Variants in MXRA8 observed in about 807,000 individuals in gnomAD.
MXRA8 encodes matrix remodeling-associated protein 8.
In MXRA8, 44 loss-of-function variants were observed where a neutral mutation model predicts 51.4. The observed-to-expected ratio is 0.86, with a 90% CI of 0.67 to 1.10. The LOEUF (loss-of-function observed/expected upper bound fraction) is 1.10, where lower values mean the gene tolerates loss of function less well. Among genes scored for constraint, MXRA8 ranks in the 50% least tolerant of loss-of-function variants. MXRA8 has a pLI of 0.00. For synonymous variants in MXRA8, 369 were observed against 293.5 expected (o/e 1.26, Z -2.63); for missense variants, 765 against 638.9 (o/e 1.20, Z -2.13).
intron 6 of MXRA8, 26 bp from the exon 7 acceptor site, chr1:1,354,258 C>G: frequency 1.2e-6 from 2 of 1,609,604 alleles, no homozygotes; most frequent in Non-Finnish European, 1.7e-6. Flanking sequence ...ACATTGGGGG[C>G]AGTGCCGCCC....
At chr1:1,354,129 G>A in intron 7 of MXRA8, 23 bp from the exon 8 acceptor site, 2 of 1,612,870 alleles carry the variant, frequency 1.2e-6, no homozygotes, top group Non-Finnish European at 1.7e-6. Context: ...GGTGGGAGGA[G>A]GTTACAGCTG....
intron 9 of MXRA8, 24 bp downstream of exon 9, chr1:1,353,824 G>A (rs1644054531): frequency 6.4e-7 from 1 of 1,555,048 alleles, no homozygotes; most frequent in Non-Finnish European, 8.7e-7. Flanking sequence ...TCTGAGATGG[G>A]CTGAGGTCGC....
chr1:1,359,051 C>T (rs1644186326), upstream of MXRA8: 2 of 985,488 alleles, frequency 2.0e-6, no homozygotes, highest in Non-Finnish European at 2.4e-6. Context: ...CAACCCTTGG[C>T]CCTGCATGAC....
At chr1:1,358,606 C>G, upstream of MXRA8, 6 of 1,494,828 alleles carry the variant, frequency 4.0e-6, no homozygotes, top group Non-Finnish European at 5.4e-6. Flanking sequence ...GGTGACATCA[C>G]GGAGGCCTGG....
chr1:1,353,202 C>G lies in MXRA8; in HGVS notation c.*402G>C. On this transcript the variant is annotated 3_prime_UTR_variant, in exon 10 of 10. Transcript: ENST00000309212. ...CTCCTCCAGGAACATCTCCCAGCCC[C>G]CGACGAGCAGAGCCCTGGAGGAGTG... 1.6e-6 allele frequency: 2 copies of G among 1,248,430 alleles called. No individual in the cohort carries two copies. The highest frequency in any genetic ancestry group is 2.3e-6 in the Non-Finnish European group (2 of 876,782). The allele number at this position is 1,248,430 out of a possible 1,614,324, so 77.3% of individuals were successfully genotyped here. A position where few individuals can be genotyped will look rare whatever the true frequency, so the allele number is the denominator to read the frequency against.
rs1213375745 is a variant in MXRA8 at position 1,353,341 on chromosome 1, A to C, written c.*263T>G. On this transcript the variant is annotated 3_prime_UTR_variant, in exon 10 of 10. Coordinates refer to ENST00000309212, the MANE Select transcript of MXRA8 (RefSeq NM_032348.4). ...GCAGAGCCCAGAAGGGTCTGAGGGC[A>C]TGATGGGCATCAGTGGGATTTTGGT... The C allele has an allele frequency of 1.3e-6, 2 of 1,548,822 alleles. No homozygotes were observed. The highest frequency in any genetic ancestry group is 1.7e-6 in the Non-Finnish European group (2 of 1,146,242).
rs1372720486 is a variant in MXRA8 at position 1,354,525 on chromosome 1, G to A, written c.950-16C>T. 4 of 1,609,372 alleles carry A rather than the reference G, an allele frequency of 2.5e-6. No individual in the cohort carries two copies. Among genetic ancestry groups the A allele is most frequent in the South Asian group, 1.1e-5 (1 of 90,948 alleles). ...AGTGTGGGGTCTGCGGGGAACGCGG[G>A]GTCGGGGCGGCGTCAGGTACCAGCA... On this transcript the variant is annotated splice_polypyrimidine_tract_variant and intron_variant, in intron 5 of 9. Transcript: ENST00000309212.
At position 1,353,085 on chromosome 1, in the gene MXRA8, A is replaced by G; in HGVS notation, c.*519T>C. 2 of 634,460 alleles carry G rather than the reference A, an allele frequency of 3.2e-6. No homozygotes were observed. Among genetic ancestry groups the G allele is most frequent in the Non-Finnish European group, 5.6e-6 (2 of 354,540 alleles). The allele number at this position is 634,460 out of a possible 1,614,324, so 39.3% of individuals were successfully genotyped here. ...TCCCACATGGTGGTACAGGTGGGGG[A>G]GCTCTCGGTGGCAGGCAGCACCCCA... On this transcript the variant is annotated 3_prime_UTR_variant, in exon 10 of 10. Transcript: ENST00000309212.
At chr1:1,355,413 G>GCCC in intron 3 of MXRA8, 37 bp downstream of exon 3, 1 of 1,492,332 alleles carries the variant, frequency 6.7e-7, no homozygotes, top group Non-Finnish European at 8.9e-7. Context: ...CCGGACCCCT[G>GCCC]CCCCGACCCC....
chr1:1,361,422 G>A, upstream of MXRA8: 2 of 664,580 alleles, frequency 3.0e-6, no homozygotes, highest in Non-Finnish European at 5.5e-6. Flanking sequence ...TGTGGTGGAG[G>A]GAATGAGACA....
At chr1:1,360,773 T>G (rs2765027), upstream of MXRA8, among the ~76,000 whole-genome samples, 147,659 of 152,168 alleles carry the variant, frequency 0.97, 71,686 homozygotes, top group African/African-American at 0.99. Flanking sequence ...AGGCAGCCCG[T>G]CTCATTGGGA....
In MXRA8 at chr1:1,353,328, A is replaced by G. The variant is rs1644040598; in HGVS notation, c.*276T>C. On this transcript the variant is annotated 3_prime_UTR_variant, in exon 10 of 10. Transcript: ENST00000309212. ...AGGCCCCCAGCGGGCAGAGCCCAGA[A>G]GGGTCTGAGGGCATGATGGGCATCA... The G allele has an allele frequency of 6.5e-7, 1 of 1,549,262 alleles. No individual in the cohort carries two copies. The highest frequency in any genetic ancestry group is 2.0e-5 in the Admixed American group (1 of 50,706).
At position 1,353,022 on chromosome 1, in the gene MXRA8, G is replaced by A. The variant is rs1644033811; in HGVS notation, c.*582C>T. 3 of 557,096 alleles carry A rather than the reference G, an allele frequency of 5.4e-6. No homozygotes were observed. Among genetic ancestry groups the A allele is most frequent in the East Asian group, 3.1e-5 (1 of 31,812 alleles). 34.5% of individuals were successfully genotyped at this position (557,096 alleles called of 1,614,324 possible). A position where few individuals can be genotyped will look rare whatever the true frequency, so the allele number is the denominator to read the frequency against. ...CAGAGGAGCAAGGGCTGGCATTCAAGTCAGCAGGTCCCTGGGGAGAACAGA... is the reference window on the plus strand; with the variant it reads ...CAGAGGAGCAAGGGCTGGCATTCAAATCAGCAGGTCCCTGGGGAGAACAGA... On this transcript the variant is annotated 3_prime_UTR_variant, in exon 10 of 10. Coordinates refer to ENST00000309212, the MANE Select transcript of MXRA8 (RefSeq NM_032348.4).
At chr1:1,359,071 C>A, upstream of MXRA8, 1 of 985,480 alleles carries the variant, frequency 1.0e-6, no homozygotes, top group Non-Finnish European at 1.2e-6. Context: ...CCTTGGTACC[C>A]GTCTCCTCTG....
chr1:1,362,582 C>A (rs1440400820), upstream of MXRA8, among the ~76,000 whole-genome samples: 1 of 151,838 alleles, frequency 6.6e-6, no homozygotes, highest in African/African-American at 2.4e-5. Flanking sequence ...GAGTTCAAGA[C>A]CATCCTGGCC....
upstream of MXRA8, among the ~76,000 whole-genome samples, chr1:1,363,438 C>CT (rs71490532): frequency 4.3e-3 from 618 of 144,336 alleles, 5 homozygotes; most frequent in Middle Eastern, 7.2e-3. Context: ...TCAGTTTTTT[C>CT]TTTTTTTTTT....
At position 1,353,892 on chromosome 1, in the gene MXRA8, A is replaced by G. The variant is rs1288043993; in HGVS notation, c.1259T>C (p.Leu420Pro). Reference sequence around the variant, plus strand: ...CTTGGCAGGCAGGGGGCTGTGGGCCAGCTCCGCCCTCTCCTTCAGGATGTT... The same window carrying G: ...CTTGGCAGGCAGGGGGCTGTGGGCCGGCTCCGCCCTCTCCTTCAGGATGTT... ...KNNILKERAE[L>P]AHSPLPAKYI... Residue 420 changes from leucine to proline, a missense_variant, in exon 9 of 10, where the codon CTG (leucine) becomes CCG (proline). Coordinates refer to ENST00000309212, the MANE Select transcript of MXRA8 (RefSeq NM_032348.4). 1.2e-6 allele frequency: 2 copies of G among 1,608,638 alleles called. No individual in the cohort carries two copies. Among genetic ancestry groups the G allele is most frequent in the African/African-American group, 2.7e-5 (2 of 75,004 alleles).
At chr1:1,354,329 G>T (rs1298246120) in intron 6 of MXRA8, 25 bp downstream of exon 6, 5 of 1,602,852 alleles carry the variant, frequency 3.1e-6, no homozygotes, top group Non-Finnish European at 4.3e-6. Context: ...TCCTGGGGCC[G>T]CTGGCTTTGC....
chr1:1,353,359 A>AT lies in MXRA8; in HGVS notation c.*244dup, dbSNP rs1238919389. 2 of 1,547,538 alleles carry AT rather than the reference A, an allele frequency of 1.3e-6. No homozygotes were observed. The highest frequency in any genetic ancestry group is 1.7e-6 in the Non-Finnish European group (2 of 1,145,462). On this transcript the variant is annotated 3_prime_UTR_variant, in exon 10 of 10. Transcript: ENST00000309212. ...TGAGGGCATGATGGGCATCAGTGGG[A>AT]TTTTGGTTGTGCCAGGGGTGGGCAG... is the stretch of plus-strand genomic sequence containing the variant.
Sources: gnomAD v4.1 joint callset for allele counts (sites outside exome capture counted in the v4.1 genomes callset) on GRCh38, gnomAD v4.1.1 for gene constraint, MANE v1.5 for transcripts, NCBI Gene and HGNC (gene_info 2026-07-23, HGNC 2026-07-21) for gene names.